Variants in SSPN observed in about 807,000 individuals in gnomAD.
SSPN encodes K-ras oncogene-associated protein.
A neutral mutation model predicts 19.1 loss-of-function variants in SSPN; 15 were observed. The ratio of observed to expected loss-of-function variants is 0.78; its 90% confidence interval spans 0.52 to 1.21. The LOEUF is 1.21. Ranked by LOEUF, SSPN falls within the 50% of genes most tolerant of loss-of-function variation. SSPN has a pLI of 0.00. For synonymous variants in SSPN, 147 were observed against 140.3 expected (o/e 1.05, Z -0.34); for missense variants, 291 against 314.0 (o/e 0.93, Z 0.55).
At chr12:26,124,985 C>G in intron 1 of SSPN, 1 of 649,610 alleles carries the variant, frequency 1.5e-6, no homozygotes, top group South Asian at 1.7e-5. Context: ...CACACGCACA[C>G]TCGCGCCGGC....
intron 1 of SSPN, among the ~76,000 whole-genome samples, chr12:26,171,310 T>A (rs1944652194): frequency 6.6e-6 from 1 of 152,316 alleles, no homozygotes; most frequent in South Asian, 2.1e-4. Context: ...TTCCTAATAG[T>A]TTTGGTTCAT....
rs954171284 is a variant in SSPN at position 26,124,914 on chromosome 12, T to C, written c.-31+2762T>C. The C allele has an allele frequency of 1.2e-5, 11 of 899,240 alleles. No homozygotes were observed. In the African/African-American group the frequency reaches 1.8e-4, roughly 15 times the overall value. 55.7% of individuals were successfully genotyped at this position (899,240 alleles called of 1,614,324 possible). ...CTCTCGCTCTCCCTCTTCAGTGCAG[T>C]GTTGAAAGTGTGAAGCAGTTGGTCC... On this transcript the variant is annotated intron_variant, in intron 1 of 2. Coordinates refer to the SSPN transcript ENST00000538142.
intron 1 of SSPN, among the ~76,000 whole-genome samples, chr12:26,153,248 G>A (rs937791425): frequency 6.6e-6 from 1 of 152,156 alleles, no homozygotes; most frequent in Non-Finnish European, 1.5e-5. Context: ...AGGATCAAAC[G>A]AGTTAATATA....
At chr12:26,169,444 C>CTTA (rs1040729400) in intron 1 of SSPN, among the ~76,000 whole-genome samples, 44 of 152,142 alleles carry the variant, frequency 2.9e-4, no homozygotes, top group African/African-American at 1.0e-3. Context: ...GGATAGGAGG[C>CTTA]TTAGTATTTA....
upstream of SSPN, chr12:26,195,387 G>A (rs1028757248): frequency 2.7e-6 from 1 of 371,026 alleles, no homozygotes; most frequent in African/African-American, 2.1e-5. Context: ...GGTTCAGGCG[G>A]CCAAGGGACC....
At chr12:26,154,674 T>C (rs999175961) in intron 1 of SSPN, among the ~76,000 whole-genome samples, 8 of 152,196 alleles carry the variant, frequency 5.3e-5, no homozygotes, top group Non-Finnish European at 8.8e-5. Context: ...AAAGATTAAC[T>C]GAGATAAGTA....
At chr12:26,161,285 C>T (rs1190753848) in intron 1 of SSPN, among the ~76,000 whole-genome samples, 1 of 151,984 alleles carries the variant, frequency 6.6e-6, no homozygotes, top group Admixed American at 6.6e-5. Flanking sequence ...TGTTTCTTTA[C>T]CCTCACTCCA....
chr12:26,164,075 C>G (rs1375077195), intron 1 of SSPN, among the ~76,000 whole-genome samples: 1 of 152,204 alleles, frequency 6.6e-6, no homozygotes, highest in Admixed American at 6.5e-5. Context: ...CAGGTCTGTG[C>G]AAAGCCCCGT....
At chr12:26,124,717 C>A in intron 1 of SSPN, 1 of 1,614,132 alleles carries the variant, frequency 6.2e-7, no homozygotes, top group Non-Finnish European at 8.5e-7. Flanking sequence ...GTGCACCTTA[C>A]CCTATAAAAT....
At chr12:26,124,099 A>G in intron 1 of SSPN, 1 of 1,611,938 alleles carries the variant, frequency 6.2e-7, no homozygotes, top group Non-Finnish European at 8.5e-7. Flanking sequence ...CAGGCAGTAA[A>G]TCTTTCAGCT....
chr12:26,167,781 A>G (rs777096174), intron 1 of SSPN, among the ~76,000 whole-genome samples: 25 of 152,242 alleles, frequency 1.6e-4, no homozygotes, highest in Non-Finnish European at 3.4e-4. Context: ...GAGCCTAGAT[A>G]CTGAACACCC....
chr12:26,147,278 G>GGT (rs1555176233), intron 1 of SSPN, among the ~76,000 whole-genome samples: 13 of 146,894 alleles, frequency 8.8e-5, no homozygotes, highest in East Asian at 2.0e-4. Context: ...TTTTTTTTGT[G>GGT]TTTTTTTTTT....
upstream of SSPN, among the ~76,000 whole-genome samples, chr12:26,192,954 G>C (rs1024239163): frequency 6.6e-6 from 1 of 152,116 alleles, no homozygotes; most frequent in Non-Finnish European, 1.5e-5. Flanking sequence ...TGAGGAAAAG[G>C]CTAAAAATGT....
At chr12:26,180,086 C>T (rs1401609415) in intron 1 of SSPN, 1 of 152,102 alleles carries the variant, frequency 6.6e-6, no homozygotes, top group African/African-American at 2.4e-5. Flanking sequence ...CCTTCTCTTC[C>T]ACAACCCATC....
At chr12:26,157,130 A>G (rs1452172641) in intron 1 of SSPN, among the ~76,000 whole-genome samples, 2 of 152,342 alleles carry the variant, frequency 1.3e-5, no homozygotes, top group East Asian at 3.9e-4. Context: ...AATGGCATTC[A>G]GCTCCGTCTT....
intron 1 of SSPN, among the ~76,000 whole-genome samples, chr12:26,168,313 A>G (rs562477856): frequency 7.6e-4 from 115 of 152,174 alleles, no homozygotes; most frequent in Non-Finnish European, 1.5e-3. Context: ...AGAAATTGTT[A>G]TGCACATAGG....
At position 26,224,350 on chromosome 12, in the gene SSPN, G is replaced by A; in HGVS notation, c.337G>A (p.Glu113Lys). The change falls in exon 2 of 3, where the codon GAA (glutamate) becomes AAA (lysine). Residue 113 changes from glutamate (E) to lysine (K), a missense_variant. Physicochemically the swap from Glu to Lys is moderately conservative, Grantham distance 56 (BLOSUM62 1). This residue lies in a region of SSPN where 141 missense variants were observed against 166.7 expected (regional missense o/e 0.85). Coordinates refer to ENST00000242729, the MANE Select transcript of SSPN (RefSeq NM_005086.5). ...FMLCVSYQVD[E>K]RTCIQFSMKL... Reference sequence around the variant, plus strand: ...GCTTTGTGTCTCATATCAGGTTGACGAACGGACATGTATTCAATTTTCTAT... The same window carrying A: ...GCTTTGTGTCTCATATCAGGTTGACAAACGGACATGTATTCAATTTTCTAT... 1.1e-5 allele frequency: 18 copies of A among 1,613,736 alleles called. No homozygotes were observed. Among genetic ancestry groups the A allele is most frequent in the East Asian group, 2.2e-5 (1 of 44,856 alleles).
chr12:26,122,252 G>A, intron 1 of SSPN: 2 of 1,270,300 alleles, frequency 1.6e-6, no homozygotes, highest in East Asian at 3.3e-5. Flanking sequence ...TCTCGGGAGG[G>A]GGCGACAACA....
chr12:26,224,820 CCAAGACTCT>C lies in SSPN; in HGVS notation c.366+444_366+452del, dbSNP rs1205766503. 1.2e-4 allele frequency among the ~76,000 whole-genome samples: 18 copies of C among 151,872 alleles called. 1 individual carries two copies. Among genetic ancestry groups the C allele is most frequent in the Admixed American group, 1.2e-3 (18 of 15,252 alleles). The stretch of plus-strand genomic sequence containing the variant: ...ATTGGGCGCATCCAAATGCTCTGTG[CCAAGACTCT>C]CAGGGCAAAGTGGGGGACGGGTGAT... On this transcript the variant is annotated intron_variant, in intron 2 of 2. Transcript: ENST00000242729.
Sources: allele counts gnomAD v4.1 joint callset (sites outside exome capture counted in the v4.1 genomes callset), GRCh38; gene constraint gnomAD v4.1.1; regional missense constraint gnomAD v4.1.1; transcripts MANE v1.5; gene names NCBI Gene and HGNC (gene_info 2026-07-23, HGNC 2026-07-21).